ABCD2: variants seen among roughly 807,000 people sequenced by gnomAD.
The protein encoded by ABCD2 is ATP-binding cassette sub-family D member 2.
Under a neutral mutation model 70.9 loss-of-function variants are expected in ABCD2, and 36 were observed. The observed-to-expected ratio is 0.51, with a 90% CI of 0.39 to 0.67. The LOEUF is 0.67. ABCD2 is among the 30% of genes least tolerant of loss of function. The pLI is 0.00. For synonymous variants in ABCD2, 304 were observed against 306.9 expected, an observed-to-expected ratio of 0.99 and a Z score of 0.10; for missense variants, 729 against 890.2, an observed-to-expected ratio of 0.82 and a Z score of 2.30.
At chr12:39,610,453 G>T (rs535488241) in intron 2 of ABCD2, among the ~76,000 whole-genome samples, 2 of 152,266 alleles carry the variant, frequency 1.3e-5, no homozygotes, top group African/African-American at 2.4e-5. Flanking sequence ...TATTCTTAAA[G>T]ACATGTAAAT....
rs1341162947 is a variant in ABCD2, at chr12:39,550,177, G to A, written c.*3735C>T. ...GACTATTGTCTATAGTTCTACACAC[G>A]GTTATATACAATACAATGTCTAAGT... On this transcript the variant is annotated 3_prime_UTR_variant, in exon 10 of 10. Coordinates refer to ENST00000308666, the MANE Select transcript of ABCD2 (RefSeq NM_005164.4). 1.3e-5 allele frequency: 2 copies of A among 151,458 alleles called. No homozygotes were observed. Among genetic ancestry groups the A allele is most frequent in the Admixed American group, 6.6e-5 (1 of 15,174 alleles). The allele number at this position is 151,458 out of a possible 1,614,324, so 9.4% of individuals were successfully genotyped here.
chr12:39,555,767 C>T (rs1401905822), intron 9 of ABCD2, among the ~76,000 whole-genome samples: 1 of 152,152 alleles, frequency 6.6e-6, no homozygotes, highest in African/African-American at 2.4e-5. Flanking sequence ...AACCTGTTGT[C>T]CCTGTCAGAC....
Position 39,573,792 on chromosome 12 carries a change from C to G in ABCD2, c.1927G>C (p.Val643Leu). The change falls in exon 9 of 10, where the codon GTC (valine) becomes CTC (leucine). Residue 643 changes from valine to leucine, a missense_variant. This residue lies in a region of ABCD2 where 289 missense variants were observed against 328.8 expected (regional missense o/e 0.88). Transcript: ENST00000308666. ...DECTSAVSIDVEGKIFQAAKG... is the reference protein window; with the variant it reads ...DECTSAVSIDLEGKIFQAAKG... ...GCAGCCTGAAATATCTTTCCTTCGA[C>G]ATCAATGCTGACAGCACTGGTACAT... is the stretch of plus-strand genomic sequence containing the variant. The G allele has an allele frequency of 6.2e-7, 1 of 1,613,336 alleles. No individual in the cohort carries two copies. Among genetic ancestry groups the G allele is most frequent in the South Asian group, 1.1e-5 (1 of 91,046 alleles).
chr12:39,613,200 A>C (rs1389533612), intron 2 of ABCD2, among the ~76,000 whole-genome samples: 2 of 130,662 alleles, frequency 1.5e-5, no homozygotes, highest in Non-Finnish European at 1.6e-5. Flanking sequence ...TCCCGGCTAA[A>C]ACGGTGAAAC....
intron 6 of ABCD2, among the ~76,000 whole-genome samples, chr12:39,597,504 C>T (rs1052674850): frequency 6.6e-6 from 1 of 152,070 alleles, no homozygotes; most frequent in African/African-American, 2.4e-5. Flanking sequence ...GACAGATAAA[C>T]TGCAACAAGA....
rs1173279382 is a variant in ABCD2, at chr12:39,584,606, G to A, written c.1792+1546C>T. Among the ~76,000 whole-genome samples, 4 of 152,094 alleles carry A rather than the reference G, an allele frequency of 2.6e-5. No individual in the cohort carries two copies. The East Asian group carries it at 7.7e-4, about 29-fold the overall frequency. On this transcript the variant is annotated intron_variant, in intron 7 of 9. Transcript: ENST00000308666. ...AAGTCTTTGTCTGTTTCCATGTCCAGGATAGTTTTGCCTAGGTTGTCTTCC... is the reference window on the plus strand; with the variant it reads ...AAGTCTTTGTCTGTTTCCATGTCCAAGATAGTTTTGCCTAGGTTGTCTTCC...
At chr12:39,576,261 G>A (rs1040418349) in intron 8 of ABCD2, among the ~76,000 whole-genome samples, 1 of 152,188 alleles carries the variant, frequency 6.6e-6, no homozygotes, top group Non-Finnish European at 1.5e-5. Flanking sequence ...CTGGGTTCAA[G>A]TGATTCCGCT....
chr12:39,619,558 C>G lies in ABCD2; in HGVS notation c.58G>C (p.Ala20Pro). Residue 20 changes from alanine (A) to proline (P), a missense_variant, in exon 1 of 10, where the codon GCT (alanine) becomes CCT (proline). Physicochemically the swap from Ala to Pro is conservative, Grantham distance 27 (BLOSUM62 -1). This residue lies in a region of ABCD2 where 245 missense variants were observed against 261.2 expected (regional missense o/e 0.94). Coordinates refer to ENST00000308666, the MANE Select transcript of ABCD2 (RefSeq NM_005164.4). The part of the protein sequence containing the change: ...DRVKWTRSSA[A>P]KRAACLVAAA... ...GCCACCAGGCAGGCAGCCCTCTTAG[C>G]AGCACTCGATCTGGTCCATTTCACT... 1.2e-6 allele frequency: 2 copies of G among 1,611,282 alleles called. No homozygotes were observed. Among genetic ancestry groups the G allele is most frequent in the Non-Finnish European group, 1.7e-6 (2 of 1,179,978 alleles).
chr12:39,618,221 C>G (rs1942143474), intron 1 of ABCD2, among the ~76,000 whole-genome samples: 1 of 152,080 alleles, frequency 6.6e-6, no homozygotes, highest in South Asian at 2.1e-4. Flanking sequence ...ATAAGAAACC[C>G]TGGCTCTTCC....
intron 9 of ABCD2, among the ~76,000 whole-genome samples, chr12:39,568,335 C>T (rs966573810): frequency 1.3e-5 from 2 of 151,986 alleles, no homozygotes; most frequent in Admixed American, 1.3e-4. Context: ...CTGTTTATTC[C>T]TTTTTCTCTA....
intron 9 of ABCD2, among the ~76,000 whole-genome samples, chr12:39,570,420 G>A (rs951714521): frequency 6.6e-6 from 1 of 152,112 alleles, no homozygotes; most frequent in African/African-American, 2.4e-5. Context: ...AGAGAACCCA[G>A]AAATAAATCC....
At chr12:39,561,809 C>A (rs1315477042) in intron 9 of ABCD2, among the ~76,000 whole-genome samples, 2 of 152,074 alleles carry the variant, frequency 1.3e-5, no homozygotes, top group Non-Finnish European at 2.9e-5. Context: ...AAAGAAACAC[C>A]AGATTTAAGC....
chr12:39,569,141 C>T (rs1029869572), intron 9 of ABCD2, among the ~76,000 whole-genome samples: 8 of 152,212 alleles, frequency 5.3e-5, no homozygotes, highest in African/African-American at 1.4e-4. Context: ...AGAACCACTG[C>T]TCTCTTCAAA....
chr12:39,585,060 G>A lies in ABCD2; in HGVS notation c.1792+1092C>T, dbSNP rs187017846. Among the ~76,000 whole-genome samples, 558 of 152,288 alleles carry A rather than the reference G, an allele frequency of 3.7e-3. 3 individuals carry two copies. Among genetic ancestry groups the A allele is most frequent in the African/African-American group, 0.012 (519 of 41,554 alleles). ...TTTTTTTCCTAGTTCTGTGAAGAAT[G>A]TCATTGGTAGTTTGATAGGAATAGC... is the stretch of plus-strand genomic sequence containing the variant. On this transcript the variant is annotated intron_variant, in intron 7 of 9. Transcript: ENST00000308666.
chr12:39,538,384 A>G, the ABCD2 span, among the ~76,000 whole-genome samples: 2 of 151,970 alleles, frequency 1.3e-5, no homozygotes, highest in Non-Finnish European at 2.9e-5. Flanking sequence ...CATGTTGGCC[A>G]GTCTGGTCTC....
chr12:39,589,097 C>T (rs1165078123), intron 6 of ABCD2, among the ~76,000 whole-genome samples: 1 of 151,952 alleles, frequency 6.6e-6, no homozygotes, highest in Non-Finnish European at 1.5e-5. Context: ...ATTACTGCAA[C>T]TTGATTAAAA....
chr12:39,606,591 T>C (rs1198446794), intron 3 of ABCD2, among the ~76,000 whole-genome samples: 4 of 152,196 alleles, frequency 2.6e-5, no homozygotes, highest in Admixed American at 1.3e-4. Flanking sequence ...AGACTGTGTC[T>C]CCAGATTATC....
At chr12:39,539,472 T>C in the ABCD2 span, 1 of 153,448 alleles carries the variant, frequency 6.5e-6, no homozygotes, top group Admixed American at 6.5e-5. Context: ...GCTATAGTTT[T>C]CTGCTCAATA....
At chr12:39,589,659 TTACA>T (rs1941718132) in intron 6 of ABCD2, among the ~76,000 whole-genome samples, 2 of 152,152 alleles carry the variant, frequency 1.3e-5, no homozygotes, top group African/African-American at 4.8e-5. Flanking sequence ...AGTGCTGGGA[TTACA>T]GGTGTGAGCC....
Sources: allele counts gnomAD v4.1 joint callset (sites outside exome capture counted in the v4.1 genomes callset), GRCh38; gene constraint gnomAD v4.1.1; regional missense constraint gnomAD v4.1.1; transcripts MANE v1.5; gene names NCBI Gene and HGNC (gene_info 2026-07-23, HGNC 2026-07-21).